CNGB3: variants seen among roughly 807,000 people sequenced by gnomAD.
CNGB3 encodes cyclic nucleotide gated channel subunit beta 3.
A neutral mutation model predicts 92.8 loss-of-function variants in CNGB3; 86 were observed. That is an observed-to-expected ratio of 0.93 (90% CI 0.78 to 1.11). CNGB3 has a LOEUF of 1.11. Among genes scored for constraint, CNGB3 ranks in the 50% least tolerant of loss-of-function variants. CNGB3 has a pLI of 0.00. For synonymous variants in CNGB3, 333 were observed against 332.7 expected, an observed-to-expected ratio of 1.00 and a Z score of -0.01; for missense variants, 1,026 against 956.8, an observed-to-expected ratio of 1.07 and a Z score of -0.95.
At chr8:86,641,246 G>T (rs1823178415) in intron 10 of CNGB3, among the ~76,000 whole-genome samples, 1 of 151,954 alleles carries the variant, frequency 6.6e-6, no homozygotes, top group Admixed American at 6.6e-5. Context: ...TCTGGGAATT[G>T]CCTACCCCTT....
intron 3 of CNGB3, among the ~76,000 whole-genome samples, chr8:86,717,629 C>T (rs1475691300): frequency 2.0e-5 from 3 of 150,638 alleles, no homozygotes; most frequent in Admixed American, 6.6e-5. Context: ...GTCATCAAGA[C>T]GGAAAACCAA....
intron 6 of CNGB3, among the ~76,000 whole-genome samples, chr8:86,654,294 C>T (rs778330187): frequency 3.3e-5 from 5 of 152,120 alleles, no homozygotes; most frequent in Non-Finnish European, 7.4e-5. Context: ...ACCTGCTTTA[C>T]TCTATATCCT....
rs1045715858 is a variant in CNGB3, at chr8:86,575,171, T to G, written c.*633A>C. ...TTCCTGCAATGTGATTTTGCCAGTTTGCTAATTCTGCCGACCAACATTGGT... is the reference window on the plus strand; with the variant it reads ...TTCCTGCAATGTGATTTTGCCAGTTGGCTAATTCTGCCGACCAACATTGGT... On this transcript the variant is annotated 3_prime_UTR_variant, in exon 18 of 18. Transcript: ENST00000320005. 2 of 152,212 alleles carry G rather than the reference T, an allele frequency of 1.3e-5. No individual in the cohort carries two copies. Among genetic ancestry groups the G allele is most frequent in the Admixed American group, 6.5e-5 (1 of 15,284 alleles). 9.4% of individuals were successfully genotyped at this position (152,212 alleles called of 1,614,324 possible).
At chr8:86,702,187 AGGCAACTGTCTTGT>A (rs1340386418) in intron 3 of CNGB3, among the ~76,000 whole-genome samples, 11 of 152,220 alleles carry the variant, frequency 7.2e-5, no homozygotes, top group African/African-American at 2.7e-4. Flanking sequence ...TTGAGGCTAG[AGGCAACTGTCTTGT>A]GGCACTGGCT....
chr8:86,712,284 A>G (rs1423041124), intron 3 of CNGB3, among the ~76,000 whole-genome samples: 1 of 152,100 alleles, frequency 6.6e-6, no homozygotes, highest in African/African-American at 2.4e-5. Flanking sequence ...TTTGTAATGC[A>G]AAGTCTTTTT....
intron 3 of CNGB3, among the ~76,000 whole-genome samples, chr8:86,722,168 A>T (rs570098721): frequency 6.8e-5 from 10 of 147,918 alleles, no homozygotes; most frequent in African/African-American, 1.8e-4. Context: ...TTAACCACTT[A>T]ACCTATCAGC....
intron 15 of CNGB3, among the ~76,000 whole-genome samples, chr8:86,600,438 CT>C (rs1338963990): frequency 7.9e-5 from 12 of 152,076 alleles, no homozygotes; most frequent in African/African-American, 2.9e-4. Flanking sequence ...ATATAATTTT[CT>C]TTTGTTTCTA....
intron 6 of CNGB3, chr8:86,658,293 C>T (rs756761316): frequency 2.2e-5 from 11 of 511,358 alleles, no homozygotes; most frequent in East Asian, 8.7e-5. Flanking sequence ...CATGGCCTCC[C>T]GACTCTCCAG....
At chr8:86,590,408 T>G (rs1334362322) in intron 15 of CNGB3, among the ~76,000 whole-genome samples, 1 of 152,174 alleles carries the variant, frequency 6.6e-6, no homozygotes, top group Non-Finnish European at 1.5e-5. Context: ...ATTTTGCTCA[T>G]TAGTTGATGC....
chr8:86,612,110 C>T (rs1222337955), intron 13 of CNGB3, among the ~76,000 whole-genome samples: 1 of 151,828 alleles, frequency 6.6e-6, no homozygotes, highest in African/African-American at 2.4e-5. Flanking sequence ...TGTTTCACAC[C>T]ATTGTTAGAT....
intron 3 of CNGB3, among the ~76,000 whole-genome samples, chr8:86,723,334 A>G (rs756485211): frequency 2.0e-5 from 3 of 152,134 alleles, no homozygotes; most frequent in Non-Finnish European, 4.4e-5. Flanking sequence ...CTCACACAGC[A>G]TCTATATTTA....
intron 15 of CNGB3, among the ~76,000 whole-genome samples, chr8:86,596,787 C>A (rs761964006): frequency 1.3e-5 from 2 of 152,066 alleles, no homozygotes; most frequent in East Asian, 3.9e-4. Context: ...AAATGTCCAT[C>A]AATAATAGAC....
intron 3 of CNGB3, among the ~76,000 whole-genome samples, chr8:86,700,177 G>T (rs1262751892): frequency 6.6e-6 from 1 of 151,990 alleles, no homozygotes; most frequent in Non-Finnish European, 1.5e-5. Context: ...TTTTAAATTG[G>T]TTTAATTCAG....
At chr8:86,624,864 G>C (rs756055190) in intron 13 of CNGB3, among the ~76,000 whole-genome samples, 1 of 152,080 alleles carries the variant, frequency 6.6e-6, no homozygotes, top group Admixed American at 6.5e-5. Flanking sequence ...TCACAGGGGC[G>C]GATTTCCTAT....
intron 3 of CNGB3, among the ~76,000 whole-genome samples, chr8:86,682,785 G>C (rs888546773): frequency 1.3e-5 from 2 of 152,176 alleles, no homozygotes; most frequent in African/African-American, 4.8e-5. Flanking sequence ...AAAGAGCACA[G>C]ACAGAAGGAA....
At chr8:86,685,735 A>G (rs1023544743) in intron 3 of CNGB3, among the ~76,000 whole-genome samples, 1 of 152,124 alleles carries the variant, frequency 6.6e-6, no homozygotes, top group Non-Finnish European at 1.5e-5. Flanking sequence ...CAGAAGAGAG[A>G]AGTGAAAATA....
At chr8:86,647,945 T>C in intron 7 of CNGB3, 58 bp from the exon 8 acceptor site, 21 of 993,926 alleles carry the variant, frequency 2.1e-5, no homozygotes, top group Non-Finnish European at 3.4e-5. Context: ...TGGGAATGGA[T>C]GGATTTACGC....
At position 86,576,104 on chromosome 8, in the gene CNGB3, C is replaced by T. The variant is rs149271453; in HGVS notation, c.2130G>A (p.Glu710=). 116 of 1,602,560 alleles carry T rather than the reference C, an allele frequency of 7.2e-5. No homozygotes were observed. The African/African-American group carries it at 1.4e-3, about 20-fold the overall frequency. Residue 710 remains glutamate, a synonymous_variant, in exon 18 of 18, where the codon GAG becomes GAA. Coordinates refer to ENST00000320005, the MANE Select transcript of CNGB3 (RefSeq NM_019098.5). ...TATCTTCATTTTCTTTTCCTTCTTC[C>T]TCTCCTCCTTCAGAATTTTCTTTCT... The part of the protein sequence containing the change: ...AQKKENSEGG[E]EEGKENEDKQ...
At position 86,632,751 on chromosome 8, in the gene CNGB3, C is replaced by G; in HGVS notation, c.1320+1G>C. ...TATCCAGTGATTCATACTCAGCTTA[C>G]CTGACCAATTAAACTGGAGAACACA... On this transcript the variant is annotated splice_donor_variant, in intron 11 of 17. Transcript: ENST00000320005. LOFTEE classifies it high-confidence loss of function. The G allele has an allele frequency of 1.2e-6, 2 of 1,612,986 alleles. No individual in the cohort carries two copies. The highest frequency in any genetic ancestry group is 1.7e-6 in the Non-Finnish European group (2 of 1,179,640).
Sources: allele counts gnomAD v4.1 joint callset (sites outside exome capture counted in the v4.1 genomes callset), GRCh38; gene constraint gnomAD v4.1.1; transcripts MANE v1.5; gene names NCBI Gene and HGNC (gene_info 2026-07-23, HGNC 2026-07-21).